Variants in DLG2 observed in about 807,000 individuals in gnomAD.
DLG2 encodes the protein disks large homolog 2.
Under a neutral mutation model 132.5 loss-of-function variants are expected in DLG2, and 45 were observed. The ratio of observed to expected loss-of-function variants is 0.34; its 90% confidence interval spans 0.27 to 0.44. The LOEUF (loss-of-function observed/expected upper bound fraction) is 0.44, where lower values mean the gene tolerates loss of function less well. Ranked by LOEUF, DLG2 falls within the 20% of genes least tolerant of loss-of-function variation. The probability of loss-of-function intolerance (pLI) is 1.00; values close to 1 mark genes in which losing one functional copy is unlikely to be tolerated. For synonymous variants in DLG2, 424 were observed against 419.6 expected (o/e 1.01, Z -0.13); for missense variants, 1,045 against 1,196.9 (o/e 0.87, Z 1.87).
At chr11:83,913,138 T>C (rs2076348821) in intron 15 of DLG2, among the ~76,000 whole-genome samples, 1 of 152,110 alleles carries the variant, frequency 6.6e-6, no homozygotes, top group Non-Finnish European at 1.5e-5. Context: ...ATTAACATAT[T>C]CCATTCTTGA....
intron 3 of DLG2, among the ~76,000 whole-genome samples, chr11:85,491,547 A>C (rs1207050989): frequency 6.6e-6 from 1 of 152,072 alleles, no homozygotes; most frequent in African/African-American, 2.4e-5. Flanking sequence ...TATTCTAATT[A>C]AATAAAGTTG....
intron 6 of DLG2, among the ~76,000 whole-genome samples, chr11:84,700,018 A>G (rs907285401): frequency 1.3e-5 from 2 of 151,610 alleles, no homozygotes; most frequent in African/African-American, 2.4e-5. Flanking sequence ...TAATATGCCA[A>G]TATGAGTATT....
At chr11:83,891,800 C>A (rs2069962217) in intron 15 of DLG2, among the ~76,000 whole-genome samples, 1 of 152,176 alleles carries the variant, frequency 6.6e-6, no homozygotes, top group South Asian at 2.1e-4. Context: ...ATTCTACAAT[C>A]TACTTTCCTT....
At chr11:85,206,903 C>G (rs2081936504) in intron 4 of DLG2, among the ~76,000 whole-genome samples, 1 of 151,630 alleles carries the variant, frequency 6.6e-6, no homozygotes, top group Non-Finnish European at 1.5e-5. Flanking sequence ...TTTTTTGTCA[C>G]AAAAAAAATC....
At chr11:83,769,472 T>C (rs1402246894) in intron 18 of DLG2, among the ~76,000 whole-genome samples, 2 of 151,630 alleles carry the variant, frequency 1.3e-5, no homozygotes, top group African/African-American at 4.8e-5. Flanking sequence ...CACAAGATGC[T>C]GAGATAGCAC....
At chr11:83,785,017 G>A (rs763997856) in intron 18 of DLG2, among the ~76,000 whole-genome samples, 5 of 151,980 alleles carry the variant, frequency 3.3e-5, no homozygotes, top group Non-Finnish European at 5.9e-5. Flanking sequence ...TATTCAAATG[G>A]TACCAGCATA....
intron 8 of DLG2, among the ~76,000 whole-genome samples, chr11:84,166,516 A>G (rs1480559274): frequency 1.0e-4 from 14 of 138,284 alleles, no homozygotes; most frequent in Admixed American, 4.1e-4. Context: ...AAAAAAAAAA[A>G]AAAAGAAAAG....
intron 11 of DLG2, among the ~76,000 whole-genome samples, chr11:83,999,098 C>G (rs1284590092): frequency 2.0e-5 from 3 of 152,186 alleles, no homozygotes; most frequent in Non-Finnish European, 4.4e-5. Context: ...CTACCAGTCA[C>G]ACCTGAGCAT....
intron 11 of DLG2, among the ~76,000 whole-genome samples, chr11:84,009,264 G>C (rs1160202888): frequency 6.6e-6 from 1 of 151,846 alleles, no homozygotes; most frequent in East Asian, 1.9e-4. Flanking sequence ...CATTTGCCAT[G>C]ATATTTTGGC....
chr11:83,505,721 G>A (rs963405821), intron 21 of DLG2, among the ~76,000 whole-genome samples: 7 of 152,138 alleles, frequency 4.6e-5, no homozygotes, highest in African/African-American at 9.7e-5. Context: ...CATGCAAAGC[G>A]CAAAACCAGG....
chr11:83,704,516 T>TA (rs368032137), intron 18 of DLG2, among the ~76,000 whole-genome samples: 5,927 of 151,848 alleles, frequency 0.039, 172 homozygotes, highest in Middle Eastern at 0.092. Context: ...TTTCTTTTTT[T>TA]AAAAAAAATG....
At chr11:84,150,455 C>T (rs558749327) in intron 9 of DLG2, among the ~76,000 whole-genome samples, 2 of 152,210 alleles carry the variant, frequency 1.3e-5, no homozygotes, top group South Asian at 4.1e-4. Context: ...TTCATCAGTT[C>T]TAGGAGCTTT....
At chr11:85,115,747 G>T (rs1315528724) in intron 5 of DLG2, among the ~76,000 whole-genome samples, 1 of 151,952 alleles carries the variant, frequency 6.6e-6, no homozygotes, top group Non-Finnish European at 1.5e-5. Flanking sequence ...TAACTCAAAA[G>T]ACCATCTGAT....
chr11:85,426,457 T>C (rs1399398515), intron 3 of DLG2, among the ~76,000 whole-genome samples: 1 of 152,120 alleles, frequency 6.6e-6, no homozygotes, highest in Non-Finnish European at 1.5e-5. Flanking sequence ...GGCAGCAACA[T>C]CTGCTGTTCA....
intron 3 of DLG2, among the ~76,000 whole-genome samples, chr11:85,418,363 T>C (rs567864485): frequency 5.9e-5 from 9 of 152,238 alleles, no homozygotes; most frequent in African/African-American, 1.9e-4. Flanking sequence ...TTACTTCCAA[T>C]TATGTGGTCA....
At chr11:85,610,699 C>G (rs1289279804) in intron 2 of DLG2, among the ~76,000 whole-genome samples, 1 of 152,204 alleles carries the variant, frequency 6.6e-6, no homozygotes, top group Non-Finnish European at 1.5e-5. Flanking sequence ...AACTTTCTAG[C>G]TAATCAAGGG....
At chr11:83,679,265 C>T (rs758633851) in intron 18 of DLG2, among the ~76,000 whole-genome samples, 6 of 152,100 alleles carry the variant, frequency 3.9e-5, no homozygotes, top group African/African-American at 1.4e-4. Context: ...TGAGAAAATG[C>T]TTGTCAAACC....
At chr11:83,563,515 T>C (rs2096650319) in intron 19 of DLG2, among the ~76,000 whole-genome samples, 1 of 152,176 alleles carries the variant, frequency 6.6e-6, no homozygotes. Context: ...GTTGCAGAAG[T>C]AAATTCGAAA....
intron 6 of DLG2, among the ~76,000 whole-genome samples, chr11:84,541,958 G>C (rs2099373612): frequency 6.6e-6 from 1 of 152,136 alleles, no homozygotes. Context: ...TGTCACTGGA[G>C]GTTCTCTGGT....
Sources: allele counts gnomAD v4.1 joint callset (sites outside exome capture counted in the v4.1 genomes callset), GRCh38; gene constraint gnomAD v4.1.1; transcripts MANE v1.5; gene names NCBI Gene and HGNC (gene_info 2026-07-23, HGNC 2026-07-21).